The following TPRA1 variants were observed in gnomAD, a reference collection of about 807,000 sequenced individuals.
TPRA1 encodes the protein transmembrane protein adipocyte associated 1.
A neutral mutation model predicts 40.1 loss-of-function variants in TPRA1; 28 were observed. The observed-to-expected ratio is 0.70, with a 90% confidence interval of 0.52 to 0.96. The LOEUF (loss-of-function observed/expected upper bound fraction) is 0.96, where lower values mean the gene tolerates loss of function less well. TPRA1 is among the 40% of genes least tolerant of loss of function. The pLI is 0.00. For missense variants in TPRA1, 441 were observed against 482.6 expected, an observed-to-expected ratio of 0.91 and a Z score of 0.81; for synonymous variants, 219 against 209.7, an observed-to-expected ratio of 1.04 and a Z score of -0.38.
intron 1 of TPRA1, among the ~76,000 whole-genome samples, chr3:127,589,660 C>T (rs537877533): frequency 6.6e-6 from 1 of 152,272 alleles, no homozygotes; most frequent in South Asian, 2.1e-4. Flanking sequence ...GGCCTTTGGG[C>T]TGGCTCTCCC....
At chr3:127,584,771 T>C (rs1236857284) in intron 1 of TPRA1, among the ~76,000 whole-genome samples, 9 of 152,152 alleles carry the variant, frequency 5.9e-5, no homozygotes, top group Non-Finnish European at 1.2e-4. Flanking sequence ...TGTGAAGACA[T>C]AAACTCTAAA....
At chr3:127,591,492 C>A (rs1394561846), upstream of TPRA1, among the ~76,000 whole-genome samples, 1 of 152,198 alleles carries the variant, frequency 6.6e-6, no homozygotes, top group East Asian at 1.9e-4. Flanking sequence ...CCTGTCTTAT[C>A]CCCTGGCATC....
rs188725193 is a variant in TPRA1 at position 127,586,728 on chromosome 3, C to G, written c.-18+3682G>C. On this transcript the variant is annotated intron_variant, in intron 1 of 10. Transcript: ENST00000355552. ...TGGTCCTAGCAGCCCAGCACCAACT[C>G]TGACCCAGAATGGAATGTCACGCAG... is the stretch of plus-strand genomic sequence containing the variant. Among the ~76,000 whole-genome samples, 693 of 152,332 alleles carry G rather than the reference C, an allele frequency of 4.5e-3. 3 individuals carry two copies. Among genetic ancestry groups the G allele is most frequent in the African/African-American group, 0.015 (625 of 41,574 alleles).
At position 127,575,456 on chromosome 3, in the gene TPRA1, T is replaced by C. The variant is rs764678489; in HGVS notation, c.720A>G (p.Leu240=). ...VYAGILALLN[L]LQGLGSVLLC... ...GCAGCACACTCCCCAGCCCCTGCAG[T>C]AGGTTGAGCAGTGCCAGGATGCCCG... The change falls in exon 9 of 11, where the codon CTA becomes CTG. Residue 240 remains leucine, a synonymous_variant. Coordinates refer to ENST00000355552, the MANE Select transcript of TPRA1 (RefSeq NM_001136053.4). The C allele has an allele frequency of 1.2e-6, 2 of 1,603,230 alleles. No homozygotes were observed. The highest frequency in any genetic ancestry group is 1.3e-5 in the African/African-American group (1 of 74,574).
chr3:127,591,313 T>C (rs2074165522), upstream of TPRA1, among the ~76,000 whole-genome samples: 1 of 152,202 alleles, frequency 6.6e-6, no homozygotes. Flanking sequence ...GCAACCCTGC[T>C]AGGCAGTCAT....
At position 127,572,829 on chromosome 3, in the gene TPRA1, A is replaced by C. The variant is rs1375924895; in HGVS notation, c.*692T>G. Among the ~76,000 whole-genome samples the C allele has an allele frequency of 2.6e-5, 4 of 152,168 alleles. No individual in the cohort carries two copies. The highest frequency in any genetic ancestry group is 5.9e-5 in the Non-Finnish European group (4 of 68,034). ...AAAGGGAGAGGGGCTGGCTCACAAA[A>C]CATAGTTCTCCTCTCTCTCCATGTC... On this transcript the variant is annotated 3_prime_UTR_variant, in exon 11 of 11. Coordinates refer to ENST00000355552, the MANE Select transcript of TPRA1 (RefSeq NM_001136053.4).
intron 1 of TPRA1, among the ~76,000 whole-genome samples, chr3:127,581,915 C>T (rs1365363945): frequency 2.0e-5 from 3 of 148,002 alleles, no homozygotes; most frequent in Admixed American, 2.0e-4. Flanking sequence ...GAGCGAGACT[C>T]CATCTCAAAA....
chr3:127,587,675 CTTTTTTTTT>C (rs1171996656), intron 1 of TPRA1, among the ~76,000 whole-genome samples: 5 of 129,744 alleles, frequency 3.9e-5, no homozygotes, highest in Non-Finnish European at 8.3e-5. Context: ...TGCTGCTTTT[CTTTTTTTTT>C]TTTTTTTTTT....
Position 127,577,355 on chromosome 3 carries a change from A to G in TPRA1, c.259-279T>C, listed in dbSNP as rs1036390317. Among the ~76,000 whole-genome samples the G allele has an allele frequency of 1.3e-4, 20 of 152,288 alleles. 1 individual carries two copies. In the Middle Eastern group the frequency reaches 0.01, roughly 78 times the overall value. ...CAACAGCCTTGGGCTGGTGAGCAGG[A>G]GTGCGCATGGTGGAGCCAGATGGGC... On this transcript the variant is annotated intron_variant, in intron 3 of 10. Coordinates refer to ENST00000355552, the MANE Select transcript of TPRA1 (RefSeq NM_001136053.4).
rs1351023528 is a variant in TPRA1 at position 127,579,842 on chromosome 3, G to A, written c.156C>T (p.Ile52=). The A allele has an allele frequency of 1.2e-6, 2 of 1,614,034 alleles. No homozygotes were observed. The highest frequency in any genetic ancestry group is 1.7e-5 in the Admixed American group (1 of 60,024). The part of the protein sequence containing the change: ...RVRYWDLLLL[I]PNVLFLIFLL... ...GGAAGATGAGGAAGAGCACATTGGG[G>A]ATGAGCAGCAAGAGGTCCCAGTACC... Residue 52 remains isoleucine, a synonymous_variant, in exon 3 of 11, where the codon ATC becomes ATT. Coordinates refer to ENST00000355552, the MANE Select transcript of TPRA1 (RefSeq NM_001136053.4).
Position 127,584,540 on chromosome 3 carries a change from C to G in TPRA1, c.-17-4377G>C, listed in dbSNP as rs74281281. Among the ~76,000 whole-genome samples the G allele has an allele frequency of 3.7e-4, 50 of 135,948 alleles. No individual in the cohort carries two copies. In the East Asian group the frequency reaches 9.6e-3, roughly 26 times the overall value. 89.2% of individuals were successfully genotyped at this position (135,948 alleles called of 152,430 possible). A position where few individuals can be genotyped will look rare whatever the true frequency, so the allele number is the denominator to read the frequency against. ...AAAACAGAGAGGTGGAGCAGAATGA[C>G]AAGAAACACAGTAGAGACTGCTGGG... is the stretch of plus-strand genomic sequence containing the variant. On this transcript the variant is annotated intron_variant, in intron 1 of 10. Transcript: ENST00000355552.
intron 1 of TPRA1, among the ~76,000 whole-genome samples, chr3:127,589,653 C>T (rs919331037): frequency 6.6e-6 from 1 of 152,124 alleles, no homozygotes; most frequent in Non-Finnish European, 1.5e-5. Context: ...TCCTCAGGGC[C>T]TTTGGGCTGG....
Position 127,573,696 on chromosome 3 carries a change from C to T in TPRA1, c.947G>A (p.Arg316Gln), listed in dbSNP as rs1452996894. 8 of 1,613,374 alleles carry T rather than the reference C, an allele frequency of 5.0e-6. No individual in the cohort carries two copies. The highest frequency in any genetic ancestry group is 4.5e-5 in the East Asian group (2 of 44,890). ...VHLPQPYAVARREGLEAAGAA... is the reference protein window; with the variant it reads ...VHLPQPYAVAQREGLEAAGAA... Reference sequence around the variant, plus strand: ...CCCTGCAGCCTCCAGGCCCTCCCGCCGGGCCACAGCGTAGGGCTGGGGTAG... The same window carrying T: ...CCCTGCAGCCTCCAGGCCCTCCCGCTGGGCCACAGCGTAGGGCTGGGGTAG... Residue 316 changes from arginine (R) to glutamine (Q), a missense_variant, in exon 11 of 11, where the codon CGG (arginine) becomes CAG (glutamine). Physicochemically the swap from Arg to Gln is conservative, Grantham distance 43. Transcript: ENST00000355552.
At position 127,580,015 on chromosome 3, in the gene TPRA1, G is replaced by A. The variant is rs369202875; in HGVS notation, c.125+7C>T. The A allele has an allele frequency of 6.2e-6, 10 of 1,613,226 alleles. No homozygotes were observed. Among genetic ancestry groups the A allele is most frequent in the Admixed American group, 3.3e-5 (2 of 60,008 alleles). ...AGCGAGCCTGCCCAGCGTTGTGACTGCCTCACCTGGAGGTGCCAATGTCTT... is the reference window on the plus strand; with the variant it reads ...AGCGAGCCTGCCCAGCGTTGTGACTACCTCACCTGGAGGTGCCAATGTCTT... On this transcript the variant is annotated splice_region_variant and intron_variant, in intron 2 of 10. Transcript: ENST00000355552.
chr3:127,581,960 C>T (rs761905596), intron 1 of TPRA1, among the ~76,000 whole-genome samples: 1 of 151,836 alleles, frequency 6.6e-6, no homozygotes, highest in Non-Finnish European at 1.5e-5. Flanking sequence ...AGATTTGTCC[C>T]GACAACACAT....
In TPRA1 at chr3:127,573,975, C is replaced by T. The variant is rs146800604; in HGVS notation, c.855-187G>A. Among the ~76,000 whole-genome samples, 127 of 152,304 alleles carry T rather than the reference C, an allele frequency of 8.3e-4. 1 individual carries two copies. Among genetic ancestry groups the T allele is most frequent in the African/African-American group, 2.8e-3 (118 of 41,578 alleles). On this transcript the variant is annotated intron_variant, in intron 10 of 10. Coordinates refer to ENST00000355552, the MANE Select transcript of TPRA1 (RefSeq NM_001136053.4). ...ACTTGTTTTGGAACCCAGCCCTCCT[C>T]CCCCTGGCTGTGTGAGCTCAGGCGG...
At chr3:127,584,130 A>G (rs2073922555) in intron 1 of TPRA1, among the ~76,000 whole-genome samples, 1 of 149,220 alleles carries the variant, frequency 6.7e-6, no homozygotes, top group Non-Finnish European at 1.5e-5. Flanking sequence ...TAAAAAGCAA[A>G]CTTGGAAAAA....
intron 10 of TPRA1, among the ~76,000 whole-genome samples, chr3:127,574,720 A>G (rs2073519702): frequency 6.6e-6 from 1 of 152,266 alleles, no homozygotes; most frequent in African/African-American, 2.4e-5. Context: ...AACACCGTGC[A>G]TAGTCACTCT....
intron 1 of TPRA1, among the ~76,000 whole-genome samples, chr3:127,581,385 G>T (rs936843792): frequency 6.6e-6 from 1 of 152,246 alleles, no homozygotes; most frequent in Admixed American, 6.5e-5. Context: ...ATGACTCTCA[G>T]AAGTGATATA....
Sources: gnomAD v4.1 joint callset for allele counts (sites outside exome capture counted in the v4.1 genomes callset) on GRCh38, gnomAD v4.1.1 for gene constraint, MANE v1.5 for transcripts, NCBI Gene and HGNC (gene_info 2026-07-23, HGNC 2026-07-21) for gene names.